BBS7: variants seen among roughly 807,000 people sequenced by gnomAD.
BBS7 encodes the protein BBSome complex member BBS7.
Under a neutral mutation model 90.3 loss-of-function variants are expected in BBS7, and 50 were observed. The observed-to-expected ratio is 0.55, with a 90% CI of 0.44 to 0.70. BBS7 has a LOEUF of 0.70. BBS7 is among the 30% of genes least tolerant of loss of function. The pLI, the probability that BBS7 is intolerant of heterozygous loss-of-function variation, is 0.00. For synonymous variants in BBS7, 235 were observed against 287.4 expected (o/e 0.82, Z 1.85); for missense variants, 729 against 838.9 (o/e 0.87, Z 1.62).
intron 2 of BBS7, 46 bp from the exon 3 acceptor site, chr4:121,863,325 T>G (rs778135989): frequency 6.9e-7 from 1 of 1,446,782 alleles, no homozygotes; most frequent in South Asian, 1.2e-5. Flanking sequence ...ATTAATATTA[T>G]GACCTAATAA....
At chr4:121,827,993 G>A in intron 18 of BBS7, 153 bp downstream of exon 18, 8 of 1,473,334 alleles carry the variant, frequency 5.4e-6, no homozygotes, top group Non-Finnish European at 6.3e-6. Context: ...AATATTCTGT[G>A]CAATAAATTT....
At chr4:121,845,735 T>C (rs376599372) in intron 10 of BBS7, 39 bp from the exon 11 acceptor site, 17 of 1,550,102 alleles carry the variant, frequency 1.1e-5, no homozygotes, top group Non-Finnish European at 1.4e-5. Flanking sequence ...AATATAAGTA[T>C]AAACATTTGA....
rs371789831 is a variant in BBS7, at chr4:121,848,709, T to C, written c.934+135A>G. On this transcript the variant is annotated intron_variant, in intron 9 of 18. Transcript: ENST00000264499. ...AGGTTTGAGGCTTCCACTGGGGGTC[T>C]TGGAATGGATTCCCCATGAATAAGG... is the stretch of plus-strand genomic sequence containing the variant. 1.5e-4 allele frequency: 100 copies of C among 682,812 alleles called. 2 individuals are homozygous for C. The African/African-American group carries it at 1.6e-3, about 11-fold the overall frequency. 42.3% of individuals were successfully genotyped at this position (682,812 alleles called of 1,614,324 possible).
intron 2 of BBS7, 27 bp downstream of exon 2, chr4:121,867,954 G>C: frequency 6.3e-7 from 1 of 1,578,338 alleles, no homozygotes; most frequent in Non-Finnish European, 8.7e-7. Context: ...CTAGGGAATA[G>C]TGGAGAAATC....
rs148606071 is a variant in BBS7, at chr4:121,846,185, C to T, written c.1038-489G>A. 2.6e-4 allele frequency among the ~76,000 whole-genome samples: 39 copies of T among 152,218 alleles called. 1 individual carries two copies. The South Asian group carries it at 2.9e-3, about 11-fold the overall frequency. On this transcript the variant is annotated intron_variant, in intron 10 of 18. Transcript: ENST00000264499. ...CTGCAGAGCATTAGCATTTTGGGGA[C>T]CACAAGGATGATCATGAGCCAGTGG...
chr4:121,826,600 G>A (rs1190650190), intron 18 of BBS7, among the ~76,000 whole-genome samples: 1 of 152,180 alleles, frequency 6.6e-6, no homozygotes, highest in Non-Finnish European at 1.5e-5. Context: ...AACCCCAAGG[G>A]GACTGAGTAG....
intron 7 of BBS7, among the ~76,000 whole-genome samples, chr4:121,854,020 A>G (rs1726463509): frequency 3.3e-5 from 5 of 152,194 alleles, no homozygotes; most frequent in African/African-American, 7.2e-5. Flanking sequence ...TCATATTGCT[A>G]ACTCTTTTTC....
intron 16 of BBS7, 46 bp from the exon 17 acceptor site, chr4:121,828,551 G>A (rs1560638562): frequency 6.4e-7 from 1 of 1,555,874 alleles, no homozygotes; most frequent in Non-Finnish European, 8.9e-7. Context: ...ACTTTGATCA[G>A]AAACATTAAT....
chr4:121,841,695 A>G (rs1038997376), intron 12 of BBS7, among the ~76,000 whole-genome samples: 5 of 152,188 alleles, frequency 3.3e-5, no homozygotes, highest in African/African-American at 9.7e-5. Context: ...TTGTCCTAGA[A>G]AATATATTTT....
chr4:121,844,468 T>G (rs1429477144), intron 11 of BBS7, among the ~76,000 whole-genome samples: 2 of 152,062 alleles, frequency 1.3e-5, no homozygotes, highest in African/African-American at 2.4e-5. Context: ...TGAATGGCAT[T>G]CCTAGAGTTG....
In BBS7 at chr4:121,861,661, G is replaced by A; in HGVS notation, c.184C>T (p.Pro62Ser). 1.2e-6 allele frequency: 2 copies of A among 1,613,320 alleles called. No individual in the cohort carries two copies. Among genetic ancestry groups the A allele is most frequent in the South Asian group, 2.2e-5 (2 of 91,050 alleles). ...GEAAAVFKTLPGPKIARLELG... is the reference protein window; with the variant it reads ...GEAAAVFKTLSGPKIARLELG... ...TCCAGCCTTGCAATCTTCGGCCCGG[G>A]TAAAGTCTTGAACACTGCCTGAAAA... The change falls in exon 4 of 19, where the codon CCC becomes TCC. Residue 62 changes from proline to serine, a missense_variant. By Grantham distance (74) the Pro-to-Ser change is moderately conservative. Coordinates refer to ENST00000264499, the MANE Select transcript of BBS7 (RefSeq NM_176824.3).
intron 6 of BBS7, 42 bp from the exon 7 acceptor site, chr4:121,854,862 TTAG>T: frequency 6.5e-7 from 1 of 1,536,814 alleles, no homozygotes; most frequent in Non-Finnish European, 9.0e-7. Flanking sequence ...TATCCTACAA[TTAG>T]TAATCTCTTT....
chr4:121,845,134 C>T (rs546765016), intron 11 of BBS7, among the ~76,000 whole-genome samples: 24 of 152,102 alleles, frequency 1.6e-4, no homozygotes, highest in Admixed American at 1.2e-3. Context: ...TTTGTGAGGC[C>T]GAGGCGGGTG....
rs754128843 is a variant in BBS7, at chr4:121,870,359, G to A, written c.-46C>T. The A allele has an allele frequency of 1.9e-6, 3 of 1,612,398 alleles. No individual in the cohort carries two copies. Among genetic ancestry groups the A allele is most frequent in the East Asian group, 2.2e-5 (1 of 44,876 alleles). On this transcript the variant is annotated 5_prime_UTR_variant, in exon 1 of 19. Transcript: ENST00000264499. ...AAGCAGCGCCGGACAAGAACAGGAG[G>A]GACAGAGGCTTCGGGCCCGCAGGCC...
chr4:121,863,939 C>T (rs1727122871), intron 2 of BBS7, among the ~76,000 whole-genome samples: 1 of 152,210 alleles, frequency 6.6e-6, no homozygotes, highest in African/African-American at 2.4e-5. Flanking sequence ...CAGTACGTGG[C>T]CTGCTGGGTA....
chr4:121,859,177 G>T lies in BBS7; in HGVS notation c.343C>A (p.His115Asn). 1 of 1,613,138 alleles carries T rather than the reference G, an allele frequency of 6.2e-7. No individual in the cohort carries two copies. Among genetic ancestry groups the T allele is most frequent in the Non-Finnish European group, 8.5e-7 (1 of 1,179,192 alleles). Residue 115 changes from histidine to asparagine, a missense_variant and splice_region_variant, in exon 5 of 19, where the codon CAC becomes AAC. Transcript: ENST00000264499. ...AGAAAGAGGTCTGAGCCAGATATGTGCCTGAGAACATTAAAATAGTAATTT... is the reference window on the plus strand; with the variant it reads ...AGAAAGAGGTCTGAGCCAGATATGTTCCTGAGAACATTAAAATAGTAATTT... ...TNLTESIKAM[H>N]ISGSDLFLSA...
At chr4:121,829,224 G>A (rs1030205865) in intron 15 of BBS7, among the ~76,000 whole-genome samples, 6 of 150,066 alleles carry the variant, frequency 4.0e-5, no homozygotes, top group African/African-American at 1.2e-4. Flanking sequence ...ATGGTCAGAG[G>A]ACCATTATTT....
chr4:121,829,908 G>A (rs1238087678), intron 15 of BBS7, among the ~76,000 whole-genome samples: 1 of 152,186 alleles, frequency 6.6e-6, no homozygotes, highest in Non-Finnish European at 1.5e-5. Flanking sequence ...AGTTGTGCGT[G>A]AGGCAGATTA....
At chr4:121,833,664 A>G (rs1725307290) in intron 14 of BBS7, among the ~76,000 whole-genome samples, 1 of 152,180 alleles carries the variant, frequency 6.6e-6, no homozygotes, top group Non-Finnish European at 1.5e-5. Flanking sequence ...TTTCAAATAA[A>G]ATTTCATTTA....
Sources: gnomAD v4.1 joint callset for allele counts (sites outside exome capture counted in the v4.1 genomes callset) on GRCh38, gnomAD v4.1.1 for gene constraint, MANE v1.5 for transcripts, NCBI Gene and HGNC (gene_info 2026-07-23, HGNC 2026-07-21) for gene names.